The following KHDRBS2 variants were observed in gnomAD, a reference collection of about 807,000 sequenced individuals.
The protein encoded by KHDRBS2 is KH RNA binding domain containing, signal transduction associated 2.
A neutral mutation model predicts 44.3 loss-of-function variants in KHDRBS2; 26 were observed. The observed-to-expected ratio is 0.59, with a 90% CI of 0.43 to 0.81. KHDRBS2 has a LOEUF of 0.81. Ranked by LOEUF, KHDRBS2 falls within the 40% of genes least tolerant of loss-of-function variation. KHDRBS2 has a pLI of 0.00. For missense variants in KHDRBS2, 476 were observed against 433.1 expected (o/e 1.10, Z -0.88); for synonymous variants, 194 against 151.1 (o/e 1.28, Z -2.08).
At chr6:61,593,360 C>T in the KHDRBS2 span, among the ~76,000 whole-genome samples, 9 of 151,728 alleles carry the variant, frequency 5.9e-5, no homozygotes, top group Non-Finnish European at 1.0e-4. Flanking sequence ...AGAGTCACAG[C>T]CAGATACTGG....
intron 4 of KHDRBS2, among the ~76,000 whole-genome samples, chr6:61,912,002 GCAA>G (rs1806143684): frequency 6.6e-6 from 1 of 151,890 alleles, no homozygotes; most frequent in Admixed American, 6.6e-5. Flanking sequence ...CCAACATAAA[GCAA>G]CAACAATTGT....
chr6:62,067,526 AG>A (rs1794018087), intron 2 of KHDRBS2, among the ~76,000 whole-genome samples: 1 of 151,514 alleles, frequency 6.6e-6, no homozygotes, highest in Admixed American at 6.6e-5. Context: ...AACAGTATAG[AG>A]CCCTCCAGAA....
intron 3 of KHDRBS2, among the ~76,000 whole-genome samples, chr6:61,996,894 T>C (rs372650185): frequency 1.4e-5 from 2 of 145,956 alleles, no homozygotes; most frequent in Admixed American, 6.9e-5. Context: ...GCAATTCTCC[T>C]GCCTCAGCCT....
At chr6:62,222,740 C>G (rs1029949144) in intron 1 of KHDRBS2, among the ~76,000 whole-genome samples, 1 of 152,172 alleles carries the variant, frequency 6.6e-6, no homozygotes, top group African/African-American at 2.4e-5. Context: ...AAAGGGGTTA[C>G]AGGCCCCATG....
intron 4 of KHDRBS2, among the ~76,000 whole-genome samples, chr6:61,953,335 G>A (rs1765165692): frequency 1.3e-5 from 2 of 152,076 alleles, no homozygotes; most frequent in South Asian, 4.2e-4. Context: ...TACAAGACTT[G>A]TAAAAATTAT....
chr6:62,137,290 C>T (rs965101727), intron 2 of KHDRBS2, among the ~76,000 whole-genome samples: 25 of 152,038 alleles, frequency 1.6e-4, no homozygotes, highest in African/African-American at 4.6e-4. Flanking sequence ...CGTGAGCCAC[C>T]GCGCCCAGCT....
intron 1 of KHDRBS2, among the ~76,000 whole-genome samples, chr6:62,256,255 A>C (rs1295643575): frequency 1.3e-5 from 2 of 152,030 alleles, no homozygotes; most frequent in African/African-American, 4.8e-5. Flanking sequence ...AAGCTGAATA[A>C]ACCCAGGGAA....
chr6:62,049,651 T>C (rs1382839420), intron 2 of KHDRBS2, among the ~76,000 whole-genome samples: 1 of 152,100 alleles, frequency 6.6e-6, no homozygotes, highest in African/African-American at 2.4e-5. Flanking sequence ...TTCTGTTCCT[T>C]GAAGATTCTA....
intron 6 of KHDRBS2, among the ~76,000 whole-genome samples, chr6:61,813,223 G>T (rs922301476): frequency 6.6e-6 from 1 of 152,098 alleles, no homozygotes; most frequent in Non-Finnish European, 1.5e-5. Context: ...GATGATCCAA[G>T]ATGAGAAAGT....
chr6:62,011,460 A>G (rs1021768174), intron 3 of KHDRBS2, among the ~76,000 whole-genome samples: 4 of 152,194 alleles, frequency 2.6e-5, no homozygotes, highest in Non-Finnish European at 5.9e-5. Flanking sequence ...CCATAACTCA[A>G]TACTGCCTAA....
At chr6:62,205,056 C>T (rs1185539739) in intron 1 of KHDRBS2, among the ~76,000 whole-genome samples, 1 of 152,110 alleles carries the variant, frequency 6.6e-6, no homozygotes, top group Non-Finnish European at 1.5e-5. Flanking sequence ...AATCAGCTTA[C>T]TGCCAATTTT....
chr6:61,639,664 A>G, the KHDRBS2 span, among the ~76,000 whole-genome samples: 1 of 152,052 alleles, frequency 6.6e-6, no homozygotes, highest in Non-Finnish European at 1.5e-5. Flanking sequence ...CTCAGATGGT[A>G]AAGTCTTGGG....
the KHDRBS2 span, among the ~76,000 whole-genome samples, chr6:61,674,299 C>T: frequency 6.6e-6 from 1 of 151,682 alleles, no homozygotes; most frequent in Non-Finnish European, 1.5e-5. Flanking sequence ...TGCTGCAGAA[C>T]AGAAATTATG....
At chr6:62,174,618 T>C (rs1820724633) in intron 2 of KHDRBS2, among the ~76,000 whole-genome samples, 1 of 151,716 alleles carries the variant, frequency 6.6e-6, no homozygotes, top group Admixed American at 6.6e-5. Context: ...AAACACAATC[T>C]ATCCAAAAAA....
rs996586101 is a variant in KHDRBS2, at chr6:61,774,491, A to G, written c.811-41727T>C. ...ATGTACAAAAATCACAAGCATTCTT[A>G]TATACCAATAACAGACAAACAGAGA... On this transcript the variant is annotated intron_variant, in intron 6 of 8. Transcript: ENST00000281156. Among the ~76,000 whole-genome samples the G allele has an allele frequency of 1.2e-4, 18 of 152,276 alleles. 1 individual carries two copies. In the East Asian group the frequency reaches 2.7e-3, roughly 23 times the overall value.
chr6:62,100,081 CA>C (rs35970174), intron 2 of KHDRBS2, among the ~76,000 whole-genome samples: 92,913 of 151,668 alleles, frequency 0.61, 28,627 homozygotes, highest in Non-Finnish European at 0.62. Context: ...TGGGAAAGGT[CA>C]AAATATCAAC....
At chr6:61,791,417 C>T (rs941008839) in intron 6 of KHDRBS2, among the ~76,000 whole-genome samples, 4 of 151,322 alleles carry the variant, frequency 2.6e-5, no homozygotes, top group East Asian at 1.9e-4. Flanking sequence ...CAAGTTTTAA[C>T]GTGTAAGATT....
intron 1 of KHDRBS2, among the ~76,000 whole-genome samples, chr6:62,197,392 T>C (rs1825922157): frequency 6.6e-6 from 1 of 152,148 alleles, no homozygotes; most frequent in Non-Finnish European, 1.5e-5. Flanking sequence ...GCATGAATTT[T>C]AACTGGTATT....
At chr6:62,265,568 A>G (rs1839064722) in intron 1 of KHDRBS2, among the ~76,000 whole-genome samples, 1 of 152,058 alleles carries the variant, frequency 6.6e-6, no homozygotes, top group Admixed American at 6.6e-5. Context: ...GGATTAAGAA[A>G]ATGAATCAGC....
Sources: gnomAD v4.1 joint callset for allele counts (sites outside exome capture counted in the v4.1 genomes callset) on GRCh38, gnomAD v4.1.1 for gene constraint, MANE v1.5 for transcripts, NCBI Gene and HGNC (gene_info 2026-07-23, HGNC 2026-07-21) for gene names.